Variants in VPS4A observed in about 807,000 individuals in gnomAD.
The protein encoded by VPS4A is vacuolar protein sorting 4 homolog A.
VPS4A carries 20 observed loss-of-function variants against 52.3 expected under a neutral mutation model. The ratio of observed to expected loss-of-function variants is 0.38; its 90% CI spans 0.27 to 0.56. The LOEUF (loss-of-function observed/expected upper bound fraction) is 0.56. Ranked by LOEUF, VPS4A falls within the 20% of genes least tolerant of loss-of-function variation. The pLI is 0.72. For missense variants in VPS4A, 419 were observed against 575.9 expected (o/e 0.73, Z 2.79); for synonymous variants, 293 against 227.7 (o/e 1.29, Z -2.58).
At chr16:69,317,788 G>A (rs1182084324) in intron 3 of VPS4A, among the ~76,000 whole-genome samples, 1 of 151,026 alleles carries the variant, frequency 6.6e-6, no homozygotes, top group African/African-American at 2.4e-5. Context: ...GTGCGACTCT[G>A]TCTTAAAAAA....
In VPS4A at chr16:69,320,626, C is replaced by T. The variant is rs1174215083; in HGVS notation, c.770-62C>T. ...ACACAAAGCCCCCGGGGTCTGTCCCCAGGTTTCAACTGACCCGTGCAGGTG... is the reference window on the plus strand; with the variant it reads ...ACACAAAGCCCCCGGGGTCTGTCCCTAGGTTTCAACTGACCCGTGCAGGTG... On this transcript the variant is annotated intron_variant, in intron 7 of 10. Coordinates refer to ENST00000254950, the MANE Select transcript of VPS4A (RefSeq NM_013245.3). The surrounding 1 kb of genome is among the most constrained non-coding windows in gnomAD (Gnocchi z 4.2). 2.1e-6 allele frequency: 3 copies of T among 1,443,040 alleles called. No homozygotes were observed. The highest frequency in any genetic ancestry group is 1.9e-6 in the Non-Finnish European group (2 of 1,053,290). 89.4% of individuals were successfully genotyped at this position (1,443,040 alleles called of 1,614,324 possible).
chr16:69,322,752 G>C, intron 10 of VPS4A, 52 bp downstream of exon 10: 1 of 1,563,798 alleles, frequency 6.4e-7, no homozygotes, highest in Non-Finnish European at 8.7e-7. Flanking sequence ...CCAGAAAATT[G>C]AGGGTTTGGG....
intron 6 of VPS4A, 48 bp downstream of exon 6, chr16:69,319,591 A>C: frequency 1.9e-6 from 3 of 1,578,850 alleles, no homozygotes; most frequent in Non-Finnish European, 2.6e-6. Flanking sequence ...CGGCACTGCT[A>C]GTGACCCAGC....
chr16:69,316,660 G>A (rs923451092), intron 3 of VPS4A, among the ~76,000 whole-genome samples: 12 of 152,188 alleles, frequency 7.9e-5, no homozygotes, highest in African/African-American at 2.7e-4. Flanking sequence ...CCAGGACCCC[G>A]TGTGCCTACC....
Position 69,325,911 on chromosome 16 carries a change from A to G in VPS4A, c.*1602A>G, listed in dbSNP as rs929370893. ...CCACTCATCTGTGTTGCCTGCCCAG[A>G]TAGCCCCATGGCCATTTCAGTTTGC... On this transcript the variant is annotated 3_prime_UTR_variant, in exon 11 of 11. Coordinates refer to ENST00000254950, the MANE Select transcript of VPS4A (RefSeq NM_013245.3). 6.6e-6 allele frequency: 1 copy of G among 152,310 alleles called. No homozygotes were observed. Among genetic ancestry groups the G allele is most frequent in the Non-Finnish European group, 1.5e-5 (1 of 68,180 alleles). 9.4% of individuals were successfully genotyped at this position (152,310 alleles called of 1,614,324 possible).
rs1480425207 is a variant in VPS4A at position 69,325,927 on chromosome 16, T to G, written c.*1618T>G. The G allele has an allele frequency of 6.6e-6, 1 of 152,042 alleles. No individual in the cohort carries two copies. The highest frequency in any genetic ancestry group is 6.6e-5 in the Admixed American group (1 of 15,232). The allele number at this position is 152,042 out of a possible 1,614,324, so 9.4% of individuals were successfully genotyped here. On this transcript the variant is annotated 3_prime_UTR_variant, in exon 11 of 11. Coordinates refer to ENST00000254950, the MANE Select transcript of VPS4A (RefSeq NM_013245.3). Reference sequence around the variant, plus strand: ...CCTGCCCAGATAGCCCCATGGCCATTTCAGTTTGCGACCCCCAACAGACCA... The same window carrying G: ...CCTGCCCAGATAGCCCCATGGCCATGTCAGTTTGCGACCCCCAACAGACCA...
chr16:69,322,729 G>A lies in VPS4A; in HGVS notation c.1212+29G>A, dbSNP rs189678734. 24 of 1,595,852 alleles carry A rather than the reference G, an allele frequency of 1.5e-5. No individual in the cohort carries two copies. In the Admixed American group the frequency reaches 2.6e-4, roughly 17 times the overall value. ...AGTGACTTGACAGGGGAGGGAAGAGGGCTGCACAGAGCCCAGAAAATTGAG... is the reference window on the plus strand; with the variant it reads ...AGTGACTTGACAGGGGAGGGAAGAGAGCTGCACAGAGCCCAGAAAATTGAG... On this transcript the variant is annotated intron_variant, in intron 10 of 10. Transcript: ENST00000254950.
chr16:69,326,417 C>T lies in VPS4A; in HGVS notation c.*2108C>T, dbSNP rs1965596544. The T allele has an allele frequency of 6.6e-6, 1 of 152,240 alleles. No individual in the cohort carries two copies. The highest frequency in any genetic ancestry group is 6.5e-5 in the Admixed American group (1 of 15,284). The allele number at this position is 152,240 out of a possible 1,614,324, so 9.4% of individuals were successfully genotyped here. ...CAGGATATGAACCGTGTCTGCAGAG[C>T]TTCACTTTAGTGAGCTTACAAGTTT... On this transcript the variant is annotated 3_prime_UTR_variant, in exon 11 of 11. Coordinates refer to ENST00000254950, the MANE Select transcript of VPS4A (RefSeq NM_013245.3).
At chr16:69,319,745 T>C (rs1965486684) in intron 6 of VPS4A, among the ~76,000 whole-genome samples, 1 of 152,142 alleles carries the variant, frequency 6.6e-6, no homozygotes, top group Non-Finnish European at 1.5e-5. Context: ...AGAGGTGAAG[T>C]GCTCCACAAG....
At chr16:69,318,426 A>C (rs999627257) in intron 3 of VPS4A, among the ~76,000 whole-genome samples, 6 of 152,224 alleles carry the variant, frequency 3.9e-5, no homozygotes, top group Non-Finnish European at 8.8e-5. Flanking sequence ...CCGCGAAGAA[A>C]CAGGGCGGGT....
At chr16:69,313,892 C>G (rs1421860941) in intron 1 of VPS4A, among the ~76,000 whole-genome samples, 3 of 152,074 alleles carry the variant, frequency 2.0e-5, no homozygotes, top group Non-Finnish European at 4.4e-5. Context: ...CTCACCTTAC[C>G]CTCCTGTTCT....
Position 69,325,130 on chromosome 16 carries a change from GTCTCC to G in VPS4A, c.*826_*830del, listed in dbSNP as rs1225963447. The G allele has an allele frequency of 2.0e-5, 3 of 152,382 alleles. No homozygotes were observed. Among genetic ancestry groups the G allele is most frequent in the African/African-American group, 4.8e-5 (2 of 41,566 alleles). The allele number at this position is 152,382 out of a possible 1,614,324, so 9.4% of individuals were successfully genotyped here. On this transcript the variant is annotated 3_prime_UTR_variant, in exon 11 of 11. Transcript: ENST00000254950. ...CAATTAAAAGACCCTCTGGTTTTCT[GTCTCC>G]TCTCTTTTCTAAAGCAGAGCAGGAA...
At position 69,324,255 on chromosome 16, in the gene VPS4A, A is replaced by G. The variant is rs1203193312; in HGVS notation, c.1260A>G (p.Ala420=). The G allele has an allele frequency of 1.9e-6, 3 of 1,613,806 alleles. No individual in the cohort carries two copies. Among genetic ancestry groups the G allele is most frequent in the Non-Finnish European group, 2.5e-6 (3 of 1,179,888 alleles). The part of the protein sequence containing the change: ...SLATTRPTVN[A]DDLLKVKKFS... ...CCACCACCCGGCCCACGGTGAATGC[A>G]GACGACCTCCTGAAAGTGAAGAAAT... is the stretch of plus-strand genomic sequence containing the variant. Residue 420 remains alanine, a synonymous_variant, in exon 11 of 11, where the codon GCA becomes GCG. Coordinates refer to ENST00000254950, the MANE Select transcript of VPS4A (RefSeq NM_013245.3).
intron 6 of VPS4A, among the ~76,000 whole-genome samples, chr16:69,319,896 G>A (rs573870976): frequency 6.6e-6 from 1 of 152,208 alleles, no homozygotes; most frequent in South Asian, 2.1e-4. Flanking sequence ...CTGACGTGTT[G>A]TAAGTGCAGA....
chr16:69,314,264 G>A (rs1018782590), intron 1 of VPS4A, among the ~76,000 whole-genome samples: 7 of 152,046 alleles, frequency 4.6e-5, no homozygotes, highest in Non-Finnish European at 8.8e-5. Flanking sequence ...ACCGTGCCCA[G>A]CCCCAGCACA....
At position 69,320,194 on chromosome 16, in the gene VPS4A, T is replaced by TC; in HGVS notation, c.675dup (p.Ile226HisfsTer3). The TC allele has an allele frequency of 6.2e-7, 1 of 1,613,958 alleles. No homozygotes were observed. Among genetic ancestry groups the TC allele is most frequent in the South Asian group, 1.1e-5 (1 of 91,078 alleles). On this transcript the variant is annotated frameshift_variant, in exon 7 of 11. Transcript: ENST00000254950. LOFTEE classifies it high-confidence loss of function. The surrounding 1 kb of genome is among the most constrained non-coding windows in gnomAD (Gnocchi z 4.2). ...AGGCAGCACAAGCCCTCCATCATCTTCATCGATGAGGTGGATTCCCTCTGC... is the reference window on the plus strand; with the variant it reads ...AGGCAGCACAAGCCCTCCATCATCTTCCATCGATGAGGTGGATTCCCTCTGC...
At chr16:69,315,140 A>G (rs973078359) in intron 1 of VPS4A, among the ~76,000 whole-genome samples, 3 of 152,286 alleles carry the variant, frequency 2.0e-5, no homozygotes. Flanking sequence ...TGGAGGTTGC[A>G]GTGAGCCGAG....
intron 3 of VPS4A, among the ~76,000 whole-genome samples, chr16:69,317,233 A>G (rs1965448374): frequency 1.4e-5 from 2 of 139,914 alleles, no homozygotes; most frequent in African/African-American, 5.7e-5. Flanking sequence ...CCAGGGAGGA[A>G]GTAGCCCTGG....
chr16:69,311,853 T>C (rs1381679166), intron 1 of VPS4A, among the ~76,000 whole-genome samples: 1 of 152,102 alleles, frequency 6.6e-6, no homozygotes, highest in Non-Finnish European at 1.5e-5. Flanking sequence ...CGGCCCGGGG[T>C]CCGGCTGGGC....
Sources: allele counts gnomAD v4.1 joint callset (sites outside exome capture counted in the v4.1 genomes callset), GRCh38; gene constraint gnomAD v4.1.1; non-coding constraint Gnocchi (gnomAD v3.1); transcripts MANE v1.5; gene names NCBI Gene and HGNC (gene_info 2026-07-23, HGNC 2026-07-21).